PKNOX2: variants seen among roughly 807,000 people sequenced by gnomAD.
The protein encoded by PKNOX2 is PBX/knotted 1 homeobox 2.
In PKNOX2, 14 loss-of-function variants were observed where a neutral mutation model predicts 53.1. The observed-to-expected ratio is 0.26, with a 90% CI of 0.17 to 0.41. The LOEUF (loss-of-function observed/expected upper bound fraction) is 0.41. Among genes scored for constraint, PKNOX2 ranks in the 10% least tolerant of loss-of-function variants. The pLI, the probability that PKNOX2 is intolerant of heterozygous loss-of-function variation, is 1.00. For missense variants in PKNOX2, 496 were observed against 602.8 expected, an observed-to-expected ratio of 0.82 and a Z score of 1.85; for synonymous variants, 257 against 242.8, an observed-to-expected ratio of 1.06 and a Z score of -0.54.
intron 8 of PKNOX2, 38 bp from the exon 9 acceptor site, chr11:125,410,741 C>A (rs770722074): frequency 6.5e-6 from 10 of 1,530,652 alleles, no homozygotes; most frequent in African/African-American, 1.4e-5. Context: ...CCTACCCACT[C>A]CCATGGCAGG....
chr11:125,220,115 A>T (rs1246171951), intron 1 of PKNOX2, among the ~76,000 whole-genome samples: 1 of 142,750 alleles, frequency 7.0e-6, no homozygotes, highest in African/African-American at 2.8e-5. Flanking sequence ...TCTCCAAAAT[A>T]TGTGTAAAAA....
intron 2 of PKNOX2, among the ~76,000 whole-genome samples, chr11:125,328,639 G>A (rs745938301): frequency 6.6e-6 from 1 of 152,116 alleles, no homozygotes; most frequent in Non-Finnish European, 1.5e-5. Context: ...CACCACTCAG[G>A]GCACAGCCGC....
chr11:125,414,257 G>T (rs1480646788), intron 10 of PKNOX2, among the ~76,000 whole-genome samples: 1 of 152,184 alleles, frequency 6.6e-6, no homozygotes, highest in African/African-American at 2.4e-5. Flanking sequence ...AAGCACCAGG[G>T]ATAGGGTAGA....
At chr11:125,299,332 A>G (rs1947875666) in intron 2 of PKNOX2, among the ~76,000 whole-genome samples, 1 of 152,108 alleles carries the variant, frequency 6.6e-6, no homozygotes, top group South Asian at 2.1e-4. Flanking sequence ...ACAAACATCC[A>G]AACTAGGTCA....
At chr11:125,320,375 C>G (rs1949452499) in intron 2 of PKNOX2, among the ~76,000 whole-genome samples, 1 of 152,078 alleles carries the variant, frequency 6.6e-6, no homozygotes, top group South Asian at 2.1e-4. Flanking sequence ...GAGATACACC[C>G]TAGGATCGGT....
At chr11:125,394,753 C>G (rs946888831) in intron 6 of PKNOX2, among the ~76,000 whole-genome samples, 1 of 152,206 alleles carries the variant, frequency 6.6e-6, no homozygotes, top group Admixed American at 6.5e-5. Flanking sequence ...ATATTGCTTG[C>G]GTCAACATAA....
At chr11:125,290,127 G>T (rs1947215466) in intron 2 of PKNOX2, among the ~76,000 whole-genome samples, 1 of 152,096 alleles carries the variant, frequency 6.6e-6, no homozygotes. Flanking sequence ...GGGGAATGAG[G>T]TCTCTGATGT....
In PKNOX2 at chr11:125,347,827, T is replaced by C. The variant is rs111375821; in HGVS notation, c.-22-3457T>C. Among the ~76,000 whole-genome samples, 451 of 151,622 alleles carry C rather than the reference T, an allele frequency of 3.0e-3. 5 individuals are homozygous for C. The highest frequency in any genetic ancestry group is 0.01 in the African/African-American group (415 of 41,018). Reference sequence around the variant, plus strand: ...ACTGAACAAAACAAAACAAAACAAATCAAAAAGCAACCTTTCCCTGTGAGC... The same window carrying C: ...ACTGAACAAAACAAAACAAAACAAACCAAAAAGCAACCTTTCCCTGTGAGC... On this transcript the variant is annotated intron_variant, in intron 3 of 12. Transcript: ENST00000298282.
At chr11:125,331,386 A>G (rs1950135890) in intron 2 of PKNOX2, among the ~76,000 whole-genome samples, 1 of 140,534 alleles carries the variant, frequency 7.1e-6, no homozygotes, top group Admixed American at 7.4e-5. Flanking sequence ...GCCCACTGTC[A>G]TTTGGATCTG....
chr11:125,167,648 A>G (rs1350526691), intron 1 of PKNOX2, among the ~76,000 whole-genome samples: 2 of 152,216 alleles, frequency 1.3e-5, no homozygotes, highest in Non-Finnish European at 2.9e-5. Flanking sequence ...ACCCAACTTG[A>G]GACTGGCTGT....
chr11:125,212,637 G>A (rs1000983276), intron 1 of PKNOX2, among the ~76,000 whole-genome samples: 1 of 151,756 alleles, frequency 6.6e-6, no homozygotes, highest in African/African-American at 2.4e-5. Flanking sequence ...AGGGAAGAGA[G>A]GAGAGGGAAA....
chr11:125,399,267 C>T (rs1171082885), intron 7 of PKNOX2, among the ~76,000 whole-genome samples: 2 of 152,248 alleles, frequency 1.3e-5, no homozygotes, highest in Non-Finnish European at 2.9e-5. Flanking sequence ...AAAACACCCG[C>T]CCGGGCTTCT....
At chr11:125,412,688 G>A (rs1032655904) in intron 10 of PKNOX2, among the ~76,000 whole-genome samples, 5 of 152,106 alleles carry the variant, frequency 3.3e-5, no homozygotes, top group African/African-American at 9.7e-5. Context: ...ACCACGGGCG[G>A]GCTTCCATTA....
At chr11:125,313,630 T>A (rs948337649) in intron 2 of PKNOX2, among the ~76,000 whole-genome samples, 1 of 152,210 alleles carries the variant, frequency 6.6e-6, no homozygotes, top group Admixed American at 6.5e-5. Context: ...AACCCTGGCT[T>A]GAGTCCTGTC....
At chr11:125,384,564 G>C (rs980530501) in intron 5 of PKNOX2, among the ~76,000 whole-genome samples, 2 of 152,166 alleles carry the variant, frequency 1.3e-5, no homozygotes, top group African/African-American at 4.8e-5. Context: ...GAGGCCTGTA[G>C]TCCCAGATAC....
intron 1 of PKNOX2, 59 bp downstream of exon 1, chr11:125,164,835 G>T: frequency 5.6e-6 from 1 of 179,480 alleles, no homozygotes; most frequent in Non-Finnish European, 1.1e-5. Context: ...CGGCGGCGCG[G>T]CGGCGGCTGC....
chr11:125,313,998 T>C (rs1475155041), intron 2 of PKNOX2, among the ~76,000 whole-genome samples: 1 of 152,206 alleles, frequency 6.6e-6, no homozygotes, highest in Non-Finnish European at 1.5e-5. Flanking sequence ...GGCACACAAG[T>C]GACCCCCAGT....
intron 10 of PKNOX2, among the ~76,000 whole-genome samples, chr11:125,415,611 C>A (rs1955831222): frequency 6.6e-6 from 1 of 152,098 alleles, no homozygotes; most frequent in Non-Finnish European, 1.5e-5. Context: ...CACTTTACAT[C>A]CCCCTTGGTG....
chr11:125,168,829 T>C (rs1162523944), intron 1 of PKNOX2, among the ~76,000 whole-genome samples: 2 of 152,258 alleles, frequency 1.3e-5, no homozygotes, highest in Non-Finnish European at 2.9e-5. Flanking sequence ...TACTGCGTTG[T>C]TAGCAATTGA....
Sources: allele counts gnomAD v4.1 joint callset (sites outside exome capture counted in the v4.1 genomes callset), GRCh38; gene constraint gnomAD v4.1.1; transcripts MANE v1.5; gene names NCBI Gene and HGNC (gene_info 2026-07-23, HGNC 2026-07-21).